Variants in RELCH observed in about 807,000 individuals in gnomAD.
RELCH encodes RAB11-binding protein RELCH.
Under a neutral mutation model 150.3 loss-of-function variants are expected in RELCH, and 41 were observed. The observed-to-expected ratio is 0.27, with a 90% CI of 0.21 to 0.35. The LOEUF (loss-of-function observed/expected upper bound fraction) is 0.35, where lower values mean the gene tolerates loss of function less well. Among genes scored for constraint, RELCH ranks in the 10% least tolerant of loss-of-function variants. RELCH has a pLI of 1.00. For synonymous variants in RELCH, 478 were observed against 531.8 expected, an observed-to-expected ratio of 0.90 and a Z score of 1.39; for missense variants, 1,092 against 1,467.8, an observed-to-expected ratio of 0.74 and a Z score of 4.18.
intron 9 of RELCH, among the ~76,000 whole-genome samples, 199 bp from the exon 10 acceptor site, chr18:62,232,133 T>C (rs2041618724): frequency 6.6e-6 from 1 of 151,932 alleles, no homozygotes; most frequent in Admixed American, 6.6e-5. Context: ...CAAAGAAATA[T>C]GGATGTTGAT....
intron 1 of RELCH, among the ~76,000 whole-genome samples, chr18:62,197,977 T>G (rs1282819583): frequency 1.3e-5 from 2 of 152,190 alleles, no homozygotes; most frequent in African/African-American, 4.8e-5. Flanking sequence ...ACTTACTAGC[T>G]CTTTCAGCTT....
intron 2 of RELCH, among the ~76,000 whole-genome samples, chr18:62,219,477 C>A: frequency 6.8e-6 from 1 of 146,616 alleles, no homozygotes. Flanking sequence ...AAATCAAAAT[C>A]AATTGCCTAG....
rs2040301405 is a variant in RELCH, at chr18:62,213,589, G to C, written c.616+2347G>C. Among the ~76,000 whole-genome samples, 2 of 151,986 alleles carry C rather than the reference G, an allele frequency of 1.3e-5. 1 individual carries two copies. The highest frequency in any genetic ancestry group is 4.1e-4 in the South Asian group (2 of 4,820). ...TACTAAAAATACAAAAATTAGCTGG[G>C]CATGGTTGCGTGTGCCTGCAGTCCC... is the stretch of plus-strand genomic sequence containing the variant. On this transcript the variant is annotated intron_variant, in intron 2 of 28. Transcript: ENST00000644646.
intron 2 of RELCH, among the ~76,000 whole-genome samples, chr18:62,214,023 G>GTT (rs372211104): frequency 6.8e-6 from 1 of 147,896 alleles, no homozygotes; most frequent in African/African-American, 2.5e-5. Flanking sequence ...GTTTTGGCCT[G>GTT]TTTTTTTTTT....
rs551561000 is a variant in RELCH at position 62,249,737 on chromosome 18, C to T, written c.1734-2927C>T. Among the ~76,000 whole-genome samples, 435 of 151,788 alleles carry T rather than the reference C, an allele frequency of 2.9e-3. 4 individuals are homozygous for T. The highest frequency in any genetic ancestry group is 5.3e-3 in the Non-Finnish European group (361 of 67,908). On this transcript the variant is annotated intron_variant, in intron 11 of 28. Coordinates refer to ENST00000644646, the MANE Select transcript of RELCH (RefSeq NM_001346231.2). ...TCAAGGTGCATCAGGGATCAACACTCAAGTCCACGCTTTTTTTTTTCTGTA... is the reference window on the plus strand; with the variant it reads ...TCAAGGTGCATCAGGGATCAACACTTAAGTCCACGCTTTTTTTTTTCTGTA...
intron 1 of RELCH, among the ~76,000 whole-genome samples, chr18:62,206,988 C>T (rs1052826398): frequency 9.2e-5 from 14 of 152,070 alleles, no homozygotes; most frequent in Admixed American, 7.9e-4. Flanking sequence ...GATCCTCCCA[C>T]CTCAGCCTCA....
intron 13 of RELCH, 36 bp from the exon 14 acceptor site, chr18:62,257,912 G>C (rs1473257448): frequency 1.3e-6 from 2 of 1,512,062 alleles, no homozygotes; most frequent in Non-Finnish European, 1.8e-6. Context: ...TCTGTGCTTA[G>C]GTGTAAATAA....
At chr18:62,224,233 C>T (rs1568339519) in intron 5 of RELCH, among the ~76,000 whole-genome samples, 2 of 152,056 alleles carry the variant, frequency 1.3e-5, no homozygotes, top group Admixed American at 6.6e-5. Context: ...GTTTTCTGTC[C>T]TTGTGATAGT....
intron 27 of RELCH, among the ~76,000 whole-genome samples, chr18:62,296,967 G>A (rs1265283294): frequency 6.6e-6 from 1 of 152,142 alleles, no homozygotes; most frequent in Admixed American, 6.5e-5. Context: ...CTAAATCTAA[G>A]TCCTTAGGAC....
Position 62,305,032 on chromosome 18 carries a change from T to C in RELCH, c.3531-382T>C, listed in dbSNP as rs919698867. Among the ~76,000 whole-genome samples, 2 of 152,238 alleles carry C rather than the reference T, an allele frequency of 1.3e-5. No homozygotes were observed. Among genetic ancestry groups the C allele is most frequent in the African/African-American group, 4.8e-5 (2 of 41,460 alleles). On this transcript the variant is annotated intron_variant, in intron 28 of 28. Transcript: ENST00000644646. This position sits in a 1 kb window ranked among gnomAD's most constrained non-coding sequence, Gnocchi z 4.0. ...TAAAGAATAACTACTAACAATTACA[T>C]CATGCTATTATGTGCCTAGCACTAT... is the stretch of plus-strand genomic sequence containing the variant.
intron 10 of RELCH, among the ~76,000 whole-genome samples, chr18:62,240,408 C>CTTTT (rs199932427): frequency 7.2e-6 from 1 of 139,570 alleles, no homozygotes; most frequent in African/African-American, 2.6e-5. Flanking sequence ...TTTTTTTTTT[C>CTTTT]TTTTTCTTTT....
At chr18:62,255,566 T>G (rs1198095640) in intron 13 of RELCH, 88 bp downstream of exon 13, 4 of 906,988 alleles carry the variant, frequency 4.4e-6, no homozygotes, top group Non-Finnish European at 6.9e-6. Context: ...TTAATCCAAA[T>G]GTCTCCTAGA....
chr18:62,206,121 G>A lies in RELCH; in HGVS notation c.527-5032G>A, dbSNP rs147049685. Among the ~76,000 whole-genome samples the A allele has an allele frequency of 1.6e-3, 245 of 152,162 alleles. 1 individual carries two copies. The highest frequency in any genetic ancestry group is 5.4e-3 in the African/African-American group (225 of 41,514). ...TTTTGAGATGGAGACTCCTTCTGTC[G>A]CCCAGGCTGAAGTGCAGTGGCACAA... On this transcript the variant is annotated intron_variant, in intron 1 of 28. Coordinates refer to ENST00000644646, the MANE Select transcript of RELCH (RefSeq NM_001346231.2).
intron 28 of RELCH, chr18:62,300,263 A>T (rs2045604958): frequency 6.6e-6 from 1 of 152,144 alleles, no homozygotes; most frequent in South Asian, 2.1e-4. Flanking sequence ...ACTTAATCAG[A>T]TTCACGGCAA....
intron 2 of RELCH, among the ~76,000 whole-genome samples, chr18:62,213,565 A>C (rs2040300419): frequency 6.6e-6 from 1 of 151,986 alleles, no homozygotes; most frequent in African/African-American, 2.4e-5. Context: ...CCCCATCTCT[A>C]CTAAAAATAC....
intron 5 of RELCH, 65 bp from the exon 6 acceptor site, chr18:62,227,224 T>C (rs768497682): frequency 2.5e-5 from 28 of 1,114,588 alleles, no homozygotes; most frequent in Admixed American, 7.4e-5. Context: ...AGCAATAATA[T>C]GAATTTCAAA....
At chr18:62,254,941 A>G (rs933937898) in intron 12 of RELCH, among the ~76,000 whole-genome samples, 2 of 152,158 alleles carry the variant, frequency 1.3e-5, no homozygotes, top group African/African-American at 2.4e-5. Context: ...AAATAAAAGC[A>G]TATTTCTAGC....
At chr18:62,244,386 T>C (rs1052224343) in intron 10 of RELCH, among the ~76,000 whole-genome samples, 1 of 152,140 alleles carries the variant, frequency 6.6e-6, no homozygotes, top group African/African-American at 2.4e-5. Flanking sequence ...TTTTTAAGTT[T>C]TAAATTATAG....
rs1317899649 is a variant in RELCH at position 62,310,073 on chromosome 18, T to C, written c.*4539T>C. On this transcript the variant is annotated 3_prime_UTR_variant, in exon 29 of 29. Transcript: ENST00000644646. ...AGATAATCTCTCTATAAAATGTACA[T>C]TGCTGAGTAATATAAATATAATAAT... 1 of 128,716 alleles carries C rather than the reference T, an allele frequency of 7.8e-6. No homozygotes were observed. Among genetic ancestry groups the C allele is most frequent in the Admixed American group, 8.8e-5 (1 of 11,416 alleles). The allele number at this position is 128,716 out of a possible 1,614,324, so 8.0% of individuals were successfully genotyped here. A position where few individuals can be genotyped will look rare whatever the true frequency, so the allele number is the denominator to read the frequency against.
Sources: allele counts gnomAD v4.1 joint callset (sites outside exome capture counted in the v4.1 genomes callset), GRCh38; gene constraint gnomAD v4.1.1; non-coding constraint Gnocchi (gnomAD v3.1); transcripts MANE v1.5; gene names NCBI Gene and HGNC (gene_info 2026-07-23, HGNC 2026-07-21).